Variants in DZIP1 observed in about 807,000 individuals in gnomAD.
DZIP1 encodes DAZ interacting zinc finger protein 1.
Under a neutral mutation model 107.6 loss-of-function variants are expected in DZIP1, and 97 were observed. That is an observed-to-expected ratio of 0.90 (90% CI 0.77 to 1.07). The LOEUF is 1.07. Ranked by LOEUF, DZIP1 falls within the 50% of genes least tolerant of loss-of-function variation. The pLI, the probability that DZIP1 is intolerant of heterozygous loss-of-function variation, is 0.00. For synonymous variants in DZIP1, 390 were observed against 386.4 expected (o/e 1.01, Z -0.11); for missense variants, 1,035 against 1,063.6 (o/e 0.97, Z 0.37).
chr13:95,611,423 T>C, intron 12 of DZIP1, 22 bp downstream of exon 12: 1 of 1,610,066 alleles, frequency 6.2e-7, no homozygotes, highest in Non-Finnish European at 8.5e-7. Context: ...TTGCCGCCAG[T>C]ACCGGGATCC....
At chr13:95,609,059 G>A (rs902806055) in intron 13 of DZIP1, among the ~76,000 whole-genome samples, 10 of 152,198 alleles carry the variant, frequency 6.6e-5, no homozygotes, top group Non-Finnish European at 1.5e-4. Flanking sequence ...CCACAAGTGG[G>A]GACAGACAGG....
At chr13:95,622,530 G>A (rs987905178) in intron 8 of DZIP1, 50 bp from the exon 9 acceptor site, 1 of 1,605,220 alleles carries the variant, frequency 6.2e-7, no homozygotes, top group African/African-American at 1.3e-5. Context: ...TTCATAAGAT[G>A]GAAACAGAGA....
At position 95,581,087 on chromosome 13, in the gene DZIP1, C is replaced by G. The variant is rs2044004842; in HGVS notation, c.*1147G>C. 1 of 152,304 alleles carries G rather than the reference C, an allele frequency of 6.6e-6. No individual in the cohort carries two copies. Among genetic ancestry groups the G allele is most frequent in the African/African-American group, 2.4e-5 (1 of 41,442 alleles). 9.4% of individuals were successfully genotyped at this position (152,304 alleles called of 1,614,324 possible). A position where few individuals can be genotyped will look rare whatever the true frequency, so the allele number is the denominator to read the frequency against. On this transcript the variant is annotated 3_prime_UTR_variant, in exon 23 of 23. Transcript: ENST00000376829. Reference sequence around the variant, plus strand: ...ATAAGTACAAATTTAACTCAGAATTCATCTCTAATAACACAGCCACAGTCA... The same window carrying G: ...ATAAGTACAAATTTAACTCAGAATTGATCTCTAATAACACAGCCACAGTCA...
intron 7 of DZIP1, among the ~76,000 whole-genome samples, chr13:95,625,854 TG>T (rs1876478538): frequency 6.6e-6 from 1 of 152,052 alleles, no homozygotes; most frequent in Non-Finnish European, 1.5e-5. Context: ...CCAGGTGTGA[TG>T]GCTATGCCTG....
chr13:95,641,429 C>G lies in DZIP1; in HGVS notation c.463G>C (p.Asp155His), dbSNP rs776377688. The change falls in exon 5 of 23, where the codon GAC (aspartate) becomes CAC (histidine). Residue 155 changes from aspartate to histidine, a missense_variant. By Grantham distance (81) the Asp-to-His change is moderately conservative. Coordinates refer to ENST00000376829, the MANE Select transcript of DZIP1 (RefSeq NM_198968.4). This position sits in a 1 kb window ranked among gnomAD's most constrained non-coding sequence, Gnocchi z 4.3. ...AGCAGCTTCTTGCTCTGCTCGCCGT[C>G]GCAGTGGCTCAGGCGCAGCCGCTCC... ...LEERLRLSHCDGEQSKKLLTK... is the reference protein window; with the variant it reads ...LEERLRLSHCHGEQSKKLLTK... 1.9e-6 allele frequency: 3 copies of G among 1,614,162 alleles called. No individual in the cohort carries two copies. The highest frequency in any genetic ancestry group is 2.2e-5 in the South Asian group (2 of 91,076).
intron 15 of DZIP1, among the ~76,000 whole-genome samples, chr13:95,598,775 A>G (rs986262852): frequency 2.0e-5 from 3 of 152,172 alleles, no homozygotes; most frequent in Admixed American, 2.0e-4. Context: ...CATAGACTTT[A>G]AAAACTAATT....
intron 11 of DZIP1, 77 bp downstream of exon 11, chr13:95,611,960 T>C: frequency 6.5e-7 from 1 of 1,539,732 alleles, no homozygotes; most frequent in Non-Finnish European, 8.7e-7. Context: ...TTACAAATGC[T>C]CTAAAGTAAA....
chr13:95,623,644 A>G (rs1338957895), intron 8 of DZIP1, among the ~76,000 whole-genome samples: 1 of 152,200 alleles, frequency 6.6e-6, no homozygotes, highest in African/African-American at 2.4e-5. Context: ...CCAATGTTTT[A>G]AAAATTTAAA....
chr13:95,607,687 T>C (rs1419278158), intron 13 of DZIP1, among the ~76,000 whole-genome samples: 1 of 151,912 alleles, frequency 6.6e-6, no homozygotes, highest in Non-Finnish European at 1.5e-5. Context: ...AAAAAAAAAA[T>C]ACAGAATACT....
At position 95,641,449 on chromosome 13, in the gene DZIP1, C is replaced by T. The variant is rs762785305; in HGVS notation, c.443G>A (p.Arg148Gln). Residue 148 changes from arginine (R) to glutamine (Q), a missense_variant, in exon 5 of 23, where the codon CGG (arginine) becomes CAG (glutamine). By Grantham distance (43) the Arg-to-Gln change is conservative. Coordinates refer to ENST00000376829, the MANE Select transcript of DZIP1 (RefSeq NM_198968.4). This position sits in a 1 kb window ranked among gnomAD's most constrained non-coding sequence, Gnocchi z 4.3. ...GCCGTCGCAGTGGCTCAGGCGCAGC[C>T]GCTCCTCCAGGGTGTGCAGCTGCGA... ...LTSQLHTLEE[R>Q]LRLSHCDGEQ... The T allele has an allele frequency of 4.3e-6, 7 of 1,614,156 alleles. No individual in the cohort carries two copies. Among genetic ancestry groups the T allele is most frequent in the South Asian group, 1.1e-5 (1 of 91,084 alleles).
chr13:95,641,985 G>T lies in DZIP1; in HGVS notation c.36+9C>A. On this transcript the variant is annotated intron_variant, in intron 4 of 22. Transcript: ENST00000376829. This position sits in a 1 kb window ranked among gnomAD's most constrained non-coding sequence, Gnocchi z 4.3. ...CCCGTCGGGGGCGCCCCGGCCTCCC[G>T]CCTCTTACCATGCTTGAAAACCAAT... 1 of 1,578,066 alleles carries T rather than the reference G, an allele frequency of 6.3e-7. No individual in the cohort carries two copies. The highest frequency in any genetic ancestry group is 1.1e-5 in the South Asian group (1 of 88,546).
chr13:95,592,545 A>G (rs2044338348), intron 16 of DZIP1, among the ~76,000 whole-genome samples: 1 of 152,210 alleles, frequency 6.6e-6, no homozygotes, highest in African/African-American at 2.4e-5. Flanking sequence ...GGACAGTGTG[A>G]GTTGGTACAA....
Position 95,580,725 on chromosome 13 carries a change from C to T in DZIP1, c.*1509G>A, listed in dbSNP as rs903826229. ...ATAAATAAATGAATGAACAAAGTGG[C>T]ACATGGGCCATCTTAGGCTTGGTGT... On this transcript the variant is annotated 3_prime_UTR_variant, in exon 23 of 23. Coordinates refer to ENST00000376829, the MANE Select transcript of DZIP1 (RefSeq NM_198968.4). 6.6e-6 allele frequency: 1 copy of T among 152,184 alleles called. No individual in the cohort carries two copies. The highest frequency in any genetic ancestry group is 2.4e-5 in the African/African-American group (1 of 41,442). The allele number at this position is 152,184 out of a possible 1,614,324, so 9.4% of individuals were successfully genotyped here. A position where few individuals can be genotyped will look rare whatever the true frequency, so the allele number is the denominator to read the frequency against.
At chr13:95,594,232 G>A (rs1396773874) in intron 15 of DZIP1, 146 bp from the exon 16 acceptor site, 4 of 648,718 alleles carry the variant, frequency 6.2e-6, no homozygotes, top group Non-Finnish European at 1.0e-5. Flanking sequence ...TAGTCACTCA[G>A]CACAATACAG....
At chr13:95,644,274 C>A (rs1878863566) in intron 1 of DZIP1, 103 bp downstream of exon 1, 1 of 152,378 alleles carries the variant, frequency 6.6e-6, no homozygotes, top group African/African-American at 2.4e-5. Flanking sequence ...TGCAGAGGCT[C>A]GGCTCGCAGC....
At chr13:95,635,205 T>C (rs1471413446) in intron 5 of DZIP1, among the ~76,000 whole-genome samples, 3 of 151,446 alleles carry the variant, frequency 2.0e-5, no homozygotes, top group Admixed American at 1.3e-4. Flanking sequence ...TTCCTTTTTT[T>C]TTTTTTTTTT....
Position 95,616,174 on chromosome 13 carries a change from A to T in DZIP1, c.1173+3711T>A, listed in dbSNP as rs543331577. On this transcript the variant is annotated intron_variant, in intron 10 of 22. Coordinates refer to ENST00000376829, the MANE Select transcript of DZIP1 (RefSeq NM_198968.4). ...CCTGGGATCCTGCATCTTAGCTGCC[A>T]TAGATAAAATATGCTGGGAGGTGAA... Among the ~76,000 whole-genome samples, 6 of 152,316 alleles carry T rather than the reference A, an allele frequency of 3.9e-5. No individual in the cohort carries two copies. The East Asian group carries it at 1.2e-3, about 29-fold the overall frequency.
At position 95,641,335 on chromosome 13, in the gene DZIP1, G is replaced by A. The variant is rs1465457390; in HGVS notation, c.557C>T (p.Thr186Ile). Residue 186 changes from threonine to isoleucine, a missense_variant, in exon 5 of 23, where the codon ACC becomes ATC. Transcript: ENST00000376829. The surrounding 1 kb of genome is among the most constrained non-coding windows in gnomAD (Gnocchi z 4.3). ...ECKRRKKMIS[T>I]QQLMIEAKAN... ...TTTGGCCTCGATCATCAGCTGCTGGGTGGAGATCATCTTCTTCCGGCGTTT... is the reference window on the plus strand; with the variant it reads ...TTTGGCCTCGATCATCAGCTGCTGGATGGAGATCATCTTCTTCCGGCGTTT... 1 of 1,608,660 alleles carries A rather than the reference G, an allele frequency of 6.2e-7. No homozygotes were observed. Among genetic ancestry groups the A allele is most frequent in the Non-Finnish European group, 8.5e-7 (1 of 1,175,662 alleles).
chr13:95,624,790 G>A lies in DZIP1; in HGVS notation c.950C>T (p.Ser317Leu), dbSNP rs765762974. The A allele has an allele frequency of 6.3e-5, 101 of 1,602,914 alleles. 1 individual carries two copies. The Admixed American group carries it at 6.5e-4, about 10-fold the overall frequency. Residue 317 changes from serine to leucine, a missense_variant, in exon 8 of 23, where the codon TCG becomes TTG. By Grantham distance (145) the Ser-to-Leu change is moderately radical (BLOSUM62 -2). Coordinates refer to ENST00000376829, the MANE Select transcript of DZIP1 (RefSeq NM_198968.4). ...TACATATTCTAATGCTGAATTCTTC[G>A]AAGTTAATTCTTTAAATTCCTTCAT... ...MFMKEFKELT[S>L]KNSALEYQLS... is the part of the protein sequence containing the mutation.
Sources: allele counts gnomAD v4.1 joint callset (sites outside exome capture counted in the v4.1 genomes callset), GRCh38; gene constraint gnomAD v4.1.1; non-coding constraint Gnocchi (gnomAD v3.1); transcripts MANE v1.5; gene names NCBI Gene and HGNC (gene_info 2026-07-23, HGNC 2026-07-21).